TPM2: variants seen among roughly 807,000 people sequenced by gnomAD.
TPM2 encodes tropomyosin beta chain.
Under a neutral mutation model 41.0 loss-of-function variants are expected in TPM2, and 26 were observed. The observed-to-expected ratio is 0.63, with a 90% CI of 0.46 to 0.88. The LOEUF is 0.88. Ranked by LOEUF, TPM2 falls within the 40% of genes least tolerant of loss-of-function variation. The probability of loss-of-function intolerance (pLI) is 0.00; values close to 1 mark genes in which losing one functional copy is unlikely to be tolerated. For synonymous variants in TPM2, 143 were observed against 139.3 expected (o/e 1.03, Z -0.19); for missense variants, 187 against 355.2 (o/e 0.53, Z 3.81).
chr9:35,682,663 A>C, downstream of TPM2: 1 of 1,310,104 alleles, frequency 7.6e-7, no homozygotes, highest in Non-Finnish European at 1.0e-6. Context: ...TGATCCTGGA[A>C]CCCCAGCTAA....
rs1239625735 is a variant in TPM2, at chr9:35,685,970, G to T, written c.241-190C>A. On this transcript the variant is annotated intron_variant, in intron 2 of 8. Coordinates refer to ENST00000645482, the MANE Select transcript of TPM2 (RefSeq NM_003289.4). The surrounding 1 kb of genome is among the most constrained non-coding windows in gnomAD (Gnocchi z 5.0). ...GCTCCAGTAAAAAATGTGCATTCAG[G>T]CCGGGCATGGTGGCTCACGCCTGTA... is the stretch of plus-strand genomic sequence containing the variant. Among the ~76,000 whole-genome samples the T allele has an allele frequency of 6.6e-6, 1 of 152,232 alleles. No individual in the cohort carries two copies. Among genetic ancestry groups the T allele is most frequent in the African/African-American group, 2.4e-5 (1 of 41,456 alleles).
rs2131851980 is a variant in TPM2 at position 35,685,341 on chromosome 9, T to C, written c.493-2A>G. 6 of 1,614,072 alleles carry C rather than the reference T, an allele frequency of 3.7e-6. No individual in the cohort carries two copies. Among genetic ancestry groups the C allele is most frequent in the African/African-American group, 1.3e-5 (1 of 74,972 alleles). ...CAGGATCACCAGCTTCCTGGCCACC[T>C]GTGGGGAGTGAGAAAGAGAGGGTAG... On this transcript the variant is annotated splice_acceptor_variant, in intron 4 of 8. Coordinates refer to ENST00000645482, the MANE Select transcript of TPM2 (RefSeq NM_003289.4). LOFTEE classifies it high-confidence loss of function. This position sits in a 1 kb window ranked among gnomAD's most constrained non-coding sequence, Gnocchi z 5.0.
chr9:35,689,538 A>G, intron 1 of TPM2, 166 bp downstream of exon 1: 1 of 852,554 alleles, frequency 1.2e-6, no homozygotes, highest in Non-Finnish European at 1.4e-6. Flanking sequence ...ATTGTAGGGG[A>G]GAGAAGCGGC....
downstream of TPM2, chr9:35,682,546 A>G (rs972955995): frequency 2.4e-6 from 3 of 1,246,134 alleles, no homozygotes; most frequent in Non-Finnish European, 3.1e-6. Flanking sequence ...TGAAAGCCCC[A>G]TGTTGCTGAT....
downstream of TPM2, chr9:35,681,999 T>C: frequency 1.4e-6 from 2 of 1,452,706 alleles, no homozygotes; most frequent in East Asian, 2.3e-5. Flanking sequence ...AAGAAAGGAT[T>C]AAAGGGCCTT....
chr9:35,687,632 CAT>C (rs1339848550), intron 2 of TPM2, among the ~76,000 whole-genome samples: 1 of 151,922 alleles, frequency 6.6e-6, no homozygotes, highest in East Asian at 1.9e-4. Flanking sequence ...AAGAGCCCAT[CAT>C]GGGCACAGGG....
At chr9:35,689,430 G>T in intron 1 of TPM2, 159 bp from the exon 2 acceptor site, 3 of 968,646 alleles carry the variant, frequency 3.1e-6, no homozygotes, top group Non-Finnish European at 3.7e-6. Context: ...GGTGGGACCC[G>T]TTGAGGGTAC....
downstream of TPM2, chr9:35,682,337 G>C: frequency 2.1e-6 from 2 of 957,204 alleles, no homozygotes; most frequent in South Asian, 2.9e-5. Context: ...AGGATGAGGG[G>C]AACAGGACGG....
intron 8 of TPM2, 24 bp downstream of exon 8, chr9:35,684,222 C>G (rs746685881): frequency 1.2e-6 from 2 of 1,611,056 alleles, no homozygotes; most frequent in East Asian, 4.5e-5. Context: ...CAGGTGTGGA[C>G]CTACTTATAA....
Position 35,685,882 on chromosome 9 carries a change from CTTCCTGGT to C in TPM2, c.241-110_241-103del. ...AGATTCTTCTCAGAAAGAACTGAGG[CTTCCTGGT>C]TTCTAGACATTCTATGTGATTTTTC... On this transcript the variant is annotated intron_variant, in intron 2 of 8. Transcript: ENST00000645482. The surrounding 1 kb of genome is among the most constrained non-coding windows in gnomAD (Gnocchi z 5.0). 6.3e-7 allele frequency: 1 copy of C among 1,575,180 alleles called. No individual in the cohort carries two copies. Among genetic ancestry groups the C allele is most frequent in the East Asian group, 2.2e-5 (1 of 44,572 alleles).
intron 2 of TPM2, among the ~76,000 whole-genome samples, chr9:35,688,246 C>CT (rs1157081446): frequency 6.6e-6 from 1 of 152,188 alleles, no homozygotes; most frequent in African/African-American, 2.4e-5. Context: ...AGCCCAACCC[C>CT]TGGGGGGCTG....
At chr9:35,686,373 C>G (rs1001224051) in intron 2 of TPM2, 2 of 163,406 alleles carry the variant, frequency 1.2e-5, no homozygotes, top group African/African-American at 4.8e-5. Flanking sequence ...CCTCCTGTTC[C>G]CTGTGGGAGC....
intron 1 of TPM2, 167 bp downstream of exon 1, chr9:35,689,537 G>T (rs1394877947): frequency 4.7e-5 from 40 of 852,852 alleles, no homozygotes; most frequent in Non-Finnish European, 5.6e-5. Flanking sequence ...TATTGTAGGG[G>T]AGAGAAGCGG....
At chr9:35,684,641 T>C in intron 6 of TPM2, 91 bp from the exon 7 acceptor site, 1 of 1,613,306 alleles carries the variant, frequency 6.2e-7, no homozygotes, top group Non-Finnish European at 8.5e-7. Flanking sequence ...TCATCTTGCC[T>C]CCGTTGAACA....
chr9:35,682,444 A>G, downstream of TPM2: 1 of 1,301,422 alleles, frequency 7.7e-7, no homozygotes, highest in African/African-American at 1.5e-5. Context: ...AGGTTTAAGG[A>G]AGTTGGAGAC....
In TPM2 at chr9:35,685,398, C is replaced by G; in HGVS notation, c.492+36G>C. On this transcript the variant is annotated intron_variant, in intron 4 of 8. Transcript: ENST00000645482. This position sits in a 1 kb window ranked among gnomAD's most constrained non-coding sequence, Gnocchi z 5.0. ...GGAGAAGGACTGGGCATGTTGCAGG[C>G]TGGGCAGCGAGCAGGCAGAGGGGCA... 2 of 1,614,150 alleles carry G rather than the reference C, an allele frequency of 1.2e-6. No individual in the cohort carries two copies. Among genetic ancestry groups the G allele is most frequent in the Non-Finnish European group, 1.7e-6 (2 of 1,180,010 alleles).
chr9:35,682,126 A>G (rs1432958665), downstream of TPM2: 5 of 1,614,124 alleles, frequency 3.1e-6, no homozygotes, highest in Non-Finnish European at 4.2e-6. Flanking sequence ...AGGTCTGGTG[A>G]ATCTCGACGT....
At chr9:35,682,269 G>A, downstream of TPM2, 1 of 1,223,454 alleles carries the variant, frequency 8.2e-7, no homozygotes, top group Non-Finnish European at 1.2e-6. Context: ...GGTCAAGGAA[G>A]ACACATGCAT....
At chr9:35,689,595 G>A in intron 1 of TPM2, 109 bp downstream of exon 1, 2 of 1,581,188 alleles carry the variant, frequency 1.3e-6, no homozygotes, top group East Asian at 2.2e-5. Flanking sequence ...CCCCCACCCT[G>A]GGTGAGAGAG....
Sources: allele counts gnomAD v4.1 joint callset (sites outside exome capture counted in the v4.1 genomes callset), GRCh38; gene constraint gnomAD v4.1.1; non-coding constraint Gnocchi (gnomAD v3.1); transcripts MANE v1.5; gene names NCBI Gene and HGNC (gene_info 2026-07-23, HGNC 2026-07-21).